The following SLC5A12 variants were observed in gnomAD, a reference collection of about 807,000 sequenced individuals.
The protein encoded by SLC5A12 is solute carrier family 5 member 12.
Under a neutral mutation model 72.7 loss-of-function variants are expected in SLC5A12, and 46 were observed. The ratio of observed to expected loss-of-function variants is 0.63; its 90% CI spans 0.50 to 0.81. SLC5A12 has a LOEUF of 0.81. Among genes scored for constraint, SLC5A12 ranks in the 30% least tolerant of loss-of-function variants. The pLI is 0.00. For synonymous variants in SLC5A12, 275 were observed against 264.4 expected, an observed-to-expected ratio of 1.04 and a Z score of -0.39; for missense variants, 683 against 740.7, an observed-to-expected ratio of 0.92 and a Z score of 0.90.
Position 26,711,349 on chromosome 11 carries a change from T to G in SLC5A12, c.415A>C (p.Thr139Pro). 2 of 1,611,604 alleles carry G rather than the reference T, an allele frequency of 1.2e-6. No homozygotes were observed. Among genetic ancestry groups the G allele is most frequent in the Non-Finnish European group, 1.7e-6 (2 of 1,178,442 alleles). The change falls in exon 3 of 15, where the codon ACA becomes CCA. Residue 139 changes from threonine (T) to proline (P), a missense_variant. By Grantham distance (38) the Thr-to-Pro change is conservative (BLOSUM62 -1). Transcript: ENST00000396005. ...GCAGGAGCATACACCACCACTCCTG[T>G]GTAGAGAATCTGGTAGAGAAACAAG... ...VIYIVQTILY[T>P]GVVVYAPALA...
At chr11:26,700,880 C>A (rs958438298) in intron 6 of SLC5A12, among the ~76,000 whole-genome samples, 6 of 152,196 alleles carry the variant, frequency 3.9e-5, no homozygotes, top group South Asian at 2.1e-4. Flanking sequence ...CTGATTCTAA[C>A]CCATGCCCAC....
In SLC5A12 at chr11:26,669,183, C is replaced by CTT. The variant is rs1313661235; in HGVS notation, c.*1917_*1918dup. ...TTCCTGTCTTTTTCTTTCTTTCTTT[C>CTT]TTCTTTTCTTTCTTTCTTTCTTTCT... On this transcript the variant is annotated 3_prime_UTR_variant, in exon 15 of 15. Transcript: ENST00000396005. 15 of 98,738 alleles carry CTT rather than the reference C, an allele frequency of 1.5e-4. No homozygotes were observed. The South Asian group carries it at 2.1e-3, about 14-fold the overall frequency. The allele number at this position is 98,738 out of a possible 1,614,324, so 6.1% of individuals were successfully genotyped here. A position where few individuals can be genotyped will look rare whatever the true frequency, so the allele number is the denominator to read the frequency against.
intron 13 of SLC5A12, among the ~76,000 whole-genome samples, chr11:26,676,044 C>A (rs1854258679): frequency 6.6e-6 from 1 of 151,792 alleles, no homozygotes; most frequent in African/African-American, 2.4e-5. Flanking sequence ...AGGTAGATTA[C>A]ACACAAGAAT....
At chr11:26,687,770 A>T (rs1854572905) in intron 9 of SLC5A12, among the ~76,000 whole-genome samples, 1 of 151,310 alleles carries the variant, frequency 6.6e-6, no homozygotes, top group African/African-American at 2.5e-5. Context: ...CACAAAAATA[A>T]GGAAACTTCA....
intron 13 of SLC5A12, among the ~76,000 whole-genome samples, chr11:26,676,413 C>T (rs780527483): frequency 6.7e-5 from 10 of 148,882 alleles, no homozygotes; most frequent in Non-Finnish European, 1.2e-4. Flanking sequence ...AACCTTAGTA[C>T]GGAAACATAA....
intron 6 of SLC5A12, 54 bp downstream of exon 6, chr11:26,703,477 A>G: frequency 6.4e-7 from 1 of 1,563,858 alleles, no homozygotes. Flanking sequence ...ATATATAATA[A>G]GTACCAAATA....
chr11:26,667,546 A>C lies in SLC5A12; in HGVS notation c.*3556T>G, dbSNP rs1372660270. The C allele has an allele frequency of 6.6e-6, 1 of 151,956 alleles. No individual in the cohort carries two copies. The highest frequency in any genetic ancestry group is 1.5e-5 in the Non-Finnish European group (1 of 67,898). The allele number at this position is 151,956 out of a possible 1,614,324, so 9.4% of individuals were successfully genotyped here. A position where few individuals can be genotyped will look rare whatever the true frequency, so the allele number is the denominator to read the frequency against. ...AAGACCCTCCCCACCTTCTGTTGCT[A>C]TTTTGAGAGTCATAGTTGCTTTGAA... On this transcript the variant is annotated 3_prime_UTR_variant, in exon 15 of 15. Coordinates refer to ENST00000396005, the MANE Select transcript of SLC5A12 (RefSeq NM_178498.4).
At chr11:26,712,796 T>C (rs79915463) in intron 1 of SLC5A12, 90 bp from the exon 2 acceptor site, 11,594 of 743,424 alleles carry the variant, frequency 0.016, 370 homozygotes, top group African/African-American at 0.097. Flanking sequence ...TCCTCTGTTG[T>C]GCTCTGGACT....
intron 1 of SLC5A12, among the ~76,000 whole-genome samples, chr11:26,719,325 C>T (rs908527149): frequency 6.6e-6 from 1 of 152,164 alleles, no homozygotes; most frequent in African/African-American, 2.4e-5. Context: ...AAATATCATG[C>T]AGTGCAGAGT....
At chr11:26,714,234 T>G (rs1346642477) in intron 1 of SLC5A12, among the ~76,000 whole-genome samples, 1 of 152,192 alleles carries the variant, frequency 6.6e-6, no homozygotes, top group Non-Finnish European at 1.5e-5. Flanking sequence ...TGTTCTATTT[T>G]ATTCATTTTT....
chr11:26,671,047 TTGTGTG>T lies in SLC5A12; in HGVS notation c.*49_*54del. On this transcript the variant is annotated 3_prime_UTR_variant, in exon 15 of 15. Coordinates refer to ENST00000396005, the MANE Select transcript of SLC5A12 (RefSeq NM_178498.4). ...CAAGTAGGCAAGAAGTATGTGGAGT[TTGTGTG>T]TGTGTGTGTGTATTGCACGTGTGTG... 4 of 1,354,072 alleles carry T rather than the reference TTGTGTG, an allele frequency of 3.0e-6. No individual in the cohort carries two copies. The highest frequency in any genetic ancestry group is 2.1e-5 in the Admixed American group (1 of 47,176). 83.9% of individuals were successfully genotyped at this position (1,354,072 alleles called of 1,614,324 possible).
chr11:26,698,282 C>A, intron 7 of SLC5A12, 124 bp downstream of exon 7: 1 of 1,275,004 alleles, frequency 7.8e-7, no homozygotes, highest in East Asian at 2.5e-5. Flanking sequence ...AAGAAACCAA[C>A]TTCTTGGGGT....
chr11:26,680,923 TG>T, intron 12 of SLC5A12, 131 bp downstream of exon 12: 1 of 816,120 alleles, frequency 1.2e-6, no homozygotes. Context: ...TCTTCAGTGC[TG>T]GGTACTTCCC....
chr11:26,705,569 A>G (rs1855064129), intron 4 of SLC5A12, among the ~76,000 whole-genome samples: 1 of 152,122 alleles, frequency 6.6e-6, no homozygotes, highest in Non-Finnish European at 1.5e-5. Context: ...TTAAAAATAG[A>G]CATTAAAATA....
chr11:26,703,784 T>C lies in SLC5A12; in HGVS notation c.680+9A>G, dbSNP rs747364878. On this transcript the variant is annotated intron_variant, in intron 5 of 14. Transcript: ENST00000396005. ...TTTGTAAAGTATGAAAAAGTTGCAT[T>C]GGACATACTCAAATATATGTAGTCG... 25 of 1,613,600 alleles carry C rather than the reference T, an allele frequency of 1.5e-5. No homozygotes were observed. The highest frequency in any genetic ancestry group is 2.1e-5 in the Non-Finnish European group (25 of 1,179,640).
At chr11:26,706,599 T>C (rs987976188) in intron 4 of SLC5A12, among the ~76,000 whole-genome samples, 4 of 151,892 alleles carry the variant, frequency 2.6e-5, no homozygotes, top group African/African-American at 9.7e-5. Context: ...CCATTTTTCT[T>C]AACTTTGACT....
chr11:26,718,915 A>G (rs992256581), intron 1 of SLC5A12, among the ~76,000 whole-genome samples: 2 of 152,230 alleles, frequency 1.3e-5, no homozygotes, highest in Non-Finnish European at 2.9e-5. Context: ...TAAAAAGTTG[A>G]AAATATGTAG....
At chr11:26,705,343 A>G (rs1222258577) in intron 4 of SLC5A12, among the ~76,000 whole-genome samples, 1 of 152,080 alleles carries the variant, frequency 6.6e-6, no homozygotes, top group Non-Finnish European at 1.5e-5. Flanking sequence ...AAATGAAGTG[A>G]TATATCAATA....
At position 26,668,796 on chromosome 11, in the gene SLC5A12, T is replaced by C. The variant is rs1854059800; in HGVS notation, c.*2306A>G. ...TTCATTACACAAGAGAAGGCAGAGA[T>C]ATTTTTATAATAATAATTGCATTTT... On this transcript the variant is annotated 3_prime_UTR_variant, in exon 15 of 15. Transcript: ENST00000396005. 3 of 152,090 alleles carry C rather than the reference T, an allele frequency of 2.0e-5. No individual in the cohort carries two copies. The highest frequency in any genetic ancestry group is 2.0e-4 in the Admixed American group (3 of 15,220). 9.4% of individuals were successfully genotyped at this position (152,090 alleles called of 1,614,324 possible).
Sources: allele counts gnomAD v4.1 joint callset (sites outside exome capture counted in the v4.1 genomes callset), GRCh38; gene constraint gnomAD v4.1.1; transcripts MANE v1.5; gene names NCBI Gene and HGNC (gene_info 2026-07-23, HGNC 2026-07-21).